The following ZNF239 variants were observed in gnomAD, a reference collection of about 807,000 sequenced individuals.
The protein encoded by ZNF239 is zinc finger protein 239, also known as zinc finger protein (C2H2) homologous to mouse MOK-2.
In ZNF239, 16 loss-of-function variants were observed where a neutral mutation model predicts 27.5. The observed-to-expected ratio is 0.58, with a 90% CI of 0.39 to 0.88. ZNF239 has a LOEUF of 0.88. Ranked by LOEUF, ZNF239 falls within the 40% of genes least tolerant of loss-of-function variation. The pLI is 0.00. For missense variants in ZNF239, 527 were observed against 551.9 expected, an observed-to-expected ratio of 0.95 and a Z score of 0.45; for synonymous variants, 199 against 192.6, an observed-to-expected ratio of 1.03 and a Z score of -0.27.
chr10:43,568,056 A>C, intron 2 of ZNF239, 35 bp from the exon 3 acceptor site: 1 of 985,786 alleles, frequency 1.0e-6, no homozygotes, highest in Non-Finnish European at 1.2e-6. Flanking sequence ...TCAACAAACA[A>C]CCATCTGCAC....
Position 43,557,828 on chromosome 10 carries a change from A to T in ZNF239, c.252T>A (p.Asn84Lys). Reference sequence around the variant, plus strand: ...TGCTTTCCTGATGATCCTGAGGCTCATTCTTACAGAACTTCACTGAAGAGT... The same window carrying T: ...TGCTTTCCTGATGATCCTGAGGCTCTTTCTTACAGAACTTCACTGAAGAGT... ...TQDSSVKFCK[N>K]EPQDHQESRR... is the part of the protein sequence containing the mutation. The change falls in exon 4 of 4, where the codon AAT (asparagine) becomes AAA (lysine). Residue 84 changes from asparagine to lysine, a missense_variant. Transcript: ENST00000374446. 6.2e-7 allele frequency: 1 copy of T among 1,614,226 alleles called. No homozygotes were observed. The highest frequency in any genetic ancestry group is 8.5e-7 in the Non-Finnish European group (1 of 1,180,042).
Position 43,557,306 on chromosome 10 carries a change from T to C in ZNF239, c.774A>G (p.Thr258=). Reference sequence around the variant, plus strand: ...TGTCACACTTATAAGGCTTCTCATCTGTGTGGACTGCCTGATGGATAAGCA... The same window carrying C: ...TGTCACACTTATAAGGCTTCTCATCCGTGTGGACTGCCTGATGGATAAGCA... ...SSLLIHQAVH[T]DEKPYKCDKC... is the part of the protein sequence containing the mutation. Residue 258 remains threonine, a synonymous_variant, in exon 4 of 4, where the codon ACA becomes ACG. Coordinates refer to ENST00000374446, the MANE Select transcript of ZNF239 (RefSeq NM_001099282.2). The C allele has an allele frequency of 6.2e-7, 1 of 1,614,156 alleles. No homozygotes were observed. Among genetic ancestry groups the C allele is most frequent in the Non-Finnish European group, 8.5e-7 (1 of 1,180,010 alleles).
At chr10:43,568,487 A>G (rs577578967) in intron 2 of ZNF239, 2 of 981,660 alleles carry the variant, frequency 2.0e-6, no homozygotes, top group Non-Finnish European at 1.2e-6. Flanking sequence ...TCTACTCTTA[A>G]AATATGAATC....
At chr10:43,559,693 A>C (rs1837081824) in intron 3 of ZNF239, among the ~76,000 whole-genome samples, 1 of 151,892 alleles carries the variant, frequency 6.6e-6, no homozygotes, top group African/African-American at 2.4e-5. Flanking sequence ...CAAAAACAAA[A>C]CCCTCCCCGA....
At chr10:43,570,737 C>T (rs1391548822) in intron 2 of ZNF239, 2 of 887,606 alleles carry the variant, frequency 2.3e-6, no homozygotes, top group Non-Finnish European at 2.7e-6. Context: ...TATTTTTTTT[C>T]TTACCTAGGC....
intron 2 of ZNF239, among the ~76,000 whole-genome samples, chr10:43,572,140 A>G (rs1838074454): frequency 6.6e-6 from 1 of 152,206 alleles, no homozygotes; most frequent in Non-Finnish European, 1.5e-5. Context: ...GCTTGGAATG[A>G]AGTCCTTCCT....
At chr10:43,570,812 C>T in intron 2 of ZNF239, 3 of 978,108 alleles carry the variant, frequency 3.1e-6, no homozygotes, top group Non-Finnish European at 3.6e-6. Flanking sequence ...CTAGGTTAGA[C>T]AACCAGAGTT....
chr10:43,558,472 A>G (rs3006383), intron 3 of ZNF239, among the ~76,000 whole-genome samples: 79,798 of 151,640 alleles, frequency 0.53, 21,223 homozygotes, highest in Middle Eastern at 0.55. Context: ...TTTTTGAGAC[A>G]GAGTTTCACT....
At chr10:43,567,213 G>A (rs1038674956) in intron 3 of ZNF239, among the ~76,000 whole-genome samples, 3 of 152,112 alleles carry the variant, frequency 2.0e-5, no homozygotes, top group Non-Finnish European at 4.4e-5. Flanking sequence ...CATGAATTTC[G>A]ATTATTTTTG....
intron 2 of ZNF239, among the ~76,000 whole-genome samples, chr10:43,572,288 T>G (rs1838082182): frequency 6.6e-6 from 1 of 152,182 alleles, no homozygotes; most frequent in Non-Finnish European, 1.5e-5. Flanking sequence ...GTATTGATTC[T>G]ACTAAGGTTA....
At chr10:43,568,406 G>A (rs1221294684) in intron 2 of ZNF239, 1 of 985,376 alleles carries the variant, frequency 1.0e-6, no homozygotes, top group Non-Finnish European at 1.2e-6. Flanking sequence ...TCTCCACAGT[G>A]CCAATGATCT....
At chr10:43,566,989 G>A (rs1461931316) in intron 3 of ZNF239, among the ~76,000 whole-genome samples, 1 of 152,176 alleles carries the variant, frequency 6.6e-6, no homozygotes, top group Non-Finnish European at 1.5e-5. Flanking sequence ...AGCCACTCCA[G>A]AGGCCGAGGC....
At chr10:43,566,197 C>A (rs904298896) in intron 3 of ZNF239, among the ~76,000 whole-genome samples, 1 of 152,140 alleles carries the variant, frequency 6.6e-6, no homozygotes, top group African/African-American at 2.4e-5. Flanking sequence ...AAAATAGAAA[C>A]TGAAAGGCCA....
rs1259342508 is a variant in ZNF239 at position 43,557,062 on chromosome 10, C to A, written c.1018G>T (p.Val340Leu). 1.2e-6 allele frequency: 2 copies of A among 1,613,900 alleles called. No homozygotes were observed. Among genetic ancestry groups the A allele is most frequent in the Non-Finnish European group, 1.7e-6 (2 of 1,180,012 alleles). Reference protein sequence around the residue: ...QRSNLHIHQRVHTGERPYKCG... With the variant: ...QRSNLHIHQRLHTGERPYKCG... ...TTGTAGGGCCTCTCTCCTGTGTGTA[C>A]TCGCTGGTGGATGTGCAGGTTTGAG... The change falls in exon 4 of 4, where the codon GTA becomes TTA. Residue 340 changes from valine to leucine, a missense_variant. By Grantham distance (32) the Val-to-Leu change is conservative. Coordinates refer to ENST00000374446, the MANE Select transcript of ZNF239 (RefSeq NM_001099282.2).
chr10:43,567,236 G>A (rs1837727065), intron 3 of ZNF239, among the ~76,000 whole-genome samples: 1 of 152,164 alleles, frequency 6.6e-6, no homozygotes, highest in Admixed American at 6.5e-5. Flanking sequence ...AGGGGAGAGG[G>A]ATGAATTCCT....
Position 43,557,910 on chromosome 10 carries a change from T to C in ZNF239, c.170A>G (p.Asn57Ser), listed in dbSNP as rs1447390155. ...AGGCAAATATGTTTCACTTTCAATG[T>C]TTTCGAAACAACCACTTTGAAGAGT... ...VMTLQSGCFE[N>S]IESETYLPLK... Residue 57 changes from asparagine (N) to serine (S), a missense_variant, in exon 4 of 4, where the codon AAC (asparagine) becomes AGC (serine). Coordinates refer to ENST00000374446, the MANE Select transcript of ZNF239 (RefSeq NM_001099282.2). The C allele has an allele frequency of 6.2e-7, 1 of 1,614,222 alleles. No homozygotes were observed. The highest frequency in any genetic ancestry group is 8.5e-7 in the Non-Finnish European group (1 of 1,180,040).
chr10:43,567,539 A>C (rs1837760127), intron 3 of ZNF239, among the ~76,000 whole-genome samples: 1 of 152,172 alleles, frequency 6.6e-6, no homozygotes, highest in Non-Finnish European at 1.5e-5. Context: ...TGGAACGTTG[A>C]AAAAGGGATT....
At chr10:43,570,408 T>C in intron 2 of ZNF239, 1 of 985,302 alleles carries the variant, frequency 1.0e-6, no homozygotes, top group Non-Finnish European at 1.2e-6. Context: ...TAAAAGCAAG[T>C]GGACTGGCTG....
intron 3 of ZNF239, among the ~76,000 whole-genome samples, chr10:43,559,716 T>TA (rs1837084628): frequency 6.6e-6 from 1 of 151,612 alleles, no homozygotes; most frequent in Non-Finnish European, 1.5e-5. Flanking sequence ...CTTAAACAAT[T>TA]AGAGTGAATA....
Sources: allele counts gnomAD v4.1 joint callset (sites outside exome capture counted in the v4.1 genomes callset), GRCh38; gene constraint gnomAD v4.1.1; transcripts MANE v1.5; gene names NCBI Gene and HGNC (gene_info 2026-07-23, HGNC 2026-07-21).